The following ESR1 variants were observed in gnomAD, a reference collection of about 807,000 sequenced individuals.
The protein encoded by ESR1 is estrogen receptor 1.
In ESR1, 12 loss-of-function variants were observed where a neutral mutation model predicts 52.7. That is an observed-to-expected ratio of 0.23 (90% CI 0.15 to 0.37). The LOEUF (loss-of-function observed/expected upper bound fraction) is 0.37. Among genes scored for constraint, ESR1 ranks in the 10% least tolerant of loss-of-function variants. The pLI, the probability that ESR1 is intolerant of heterozygous loss-of-function variation, is 1.00. For synonymous variants in ESR1, 305 were observed against 316.8 expected (o/e 0.96, Z 0.39); for missense variants, 584 against 779.7 (o/e 0.75, Z 2.99).
At chr6:151,786,178 G>T (rs1227165106) in intron 2 of ESR1, among the ~76,000 whole-genome samples, 1 of 152,182 alleles carries the variant, frequency 6.6e-6, no homozygotes, top group Non-Finnish European at 1.5e-5. Context: ...AAGTCACAAG[G>T]ATGCCCTGGA....
At chr6:151,894,241 ATTGT>A (rs1019950617) in intron 3 of ESR1, among the ~76,000 whole-genome samples, 2 of 149,844 alleles carry the variant, frequency 1.3e-5, no homozygotes, top group South Asian at 2.1e-4. Context: ...TTTTGATGGG[ATTGT>A]TTGTTTTTTT....
chr6:152,017,011 C>T (rs927507865), intron 5 of ESR1, among the ~76,000 whole-genome samples: 3 of 152,112 alleles, frequency 2.0e-5, no homozygotes, highest in African/African-American at 7.2e-5. Context: ...CAAATCTTTG[C>T]AAATCTAGGC....
intron 1 of ESR1, among the ~76,000 whole-genome samples, chr6:151,819,590 C>T (rs1780228199): frequency 6.6e-6 from 1 of 152,202 alleles, no homozygotes; most frequent in Non-Finnish European, 1.5e-5. Context: ...TCCTGATGAT[C>T]TGTCATTGTG....
rs1050992325 is a variant in ESR1, at chr6:152,094,032, G to A, written c.1370-353G>A. Reference sequence around the variant, plus strand: ...AAAGGAACAACAGTGGCTGCTCACAGGGTTGTCAGTTACATGGTCAATTAC... The same window carrying A: ...AAAGGAACAACAGTGGCTGCTCACAAGGTTGTCAGTTACATGGTCAATTAC... On this transcript the variant is annotated intron_variant, in intron 6 of 7. Coordinates refer to ENST00000206249, the MANE Select transcript of ESR1 (RefSeq NM_000125.4). The surrounding 1 kb of genome is among the most constrained non-coding windows in gnomAD (Gnocchi z 4.6). Among the ~76,000 whole-genome samples, 8 of 152,162 alleles carry A rather than the reference G, an allele frequency of 5.3e-5. No individual in the cohort carries two copies. Among genetic ancestry groups the A allele is most frequent in the African/African-American group, 1.7e-4 (7 of 41,434 alleles).
intron 5 of ESR1, among the ~76,000 whole-genome samples, chr6:152,052,361 C>T (rs2046755778): frequency 6.6e-6 from 1 of 152,064 alleles, no homozygotes; most frequent in Non-Finnish European, 1.5e-5. Flanking sequence ...TCAATAAGCT[C>T]GCTGAATGTA....
intron 4 of ESR1, among the ~76,000 whole-genome samples, chr6:151,985,339 C>T (rs917434446): frequency 6.6e-6 from 1 of 151,394 alleles, no homozygotes; most frequent in African/African-American, 2.4e-5. Context: ...AATCCTATCT[C>T]TACTAAAAAT....
At chr6:151,874,459 G>A (rs960612743) in intron 2 of ESR1, among the ~76,000 whole-genome samples, 11 of 152,104 alleles carry the variant, frequency 7.2e-5, no homozygotes, top group Admixed American at 5.2e-4. Flanking sequence ...ATTCAAGTAC[G>A]ATTTCTGACT....
At chr6:151,819,328 C>T (rs1019102783) in intron 1 of ESR1, among the ~76,000 whole-genome samples, 1 of 152,174 alleles carries the variant, frequency 6.6e-6, no homozygotes, top group African/African-American at 2.4e-5. Flanking sequence ...TATAGAGCAG[C>T]AGTCCCCAGC....
At chr6:151,710,046 G>A (rs376406486) in intron 2 of ESR1, among the ~76,000 whole-genome samples, 5 of 151,720 alleles carry the variant, frequency 3.3e-5, no homozygotes, top group South Asian at 2.1e-4. Context: ...TATAAAGAAC[G>A]AATTGTTTAA....
intron 1 of ESR1, among the ~76,000 whole-genome samples, chr6:151,697,406 A>C (rs1779432265): frequency 6.6e-6 from 1 of 152,216 alleles, no homozygotes; most frequent in Non-Finnish European, 1.5e-5. Context: ...CATCTTCCTA[A>C]CTGTAAAATG....
At chr6:152,034,870 A>C (rs1286467878) in intron 5 of ESR1, among the ~76,000 whole-genome samples, 1 of 152,242 alleles carries the variant, frequency 6.6e-6, no homozygotes, top group African/African-American at 2.4e-5. Flanking sequence ...AAGACTCTGA[A>C]CTATCACATG....
intron 1 of ESR1, among the ~76,000 whole-genome samples, chr6:151,671,228 C>A (rs973131637): frequency 3.3e-5 from 5 of 152,142 alleles, no homozygotes; most frequent in African/African-American, 4.8e-5. Context: ...TTTCTCTGCA[C>A]CCCCATGTTC....
chr6:151,669,555 G>A (rs1344276541), intron 1 of ESR1, among the ~76,000 whole-genome samples: 1 of 152,182 alleles, frequency 6.6e-6, no homozygotes, highest in African/African-American at 2.4e-5. Flanking sequence ...GGACTCAGGT[G>A]CTGGAGTGTT....
intron 1 of ESR1, among the ~76,000 whole-genome samples, chr6:151,818,824 C>T (rs767003921): frequency 6.6e-6 from 1 of 151,372 alleles, no homozygotes. Context: ...CACACACACA[C>T]ATATATATAC....
chr6:152,067,712 A>G (rs1325043934), intron 6 of ESR1, among the ~76,000 whole-genome samples: 2 of 152,176 alleles, frequency 1.3e-5, no homozygotes, highest in South Asian at 2.1e-4. Context: ...CTGTAATCCC[A>G]GCTACTCAGG....
intron 3 of ESR1, among the ~76,000 whole-genome samples, chr6:151,920,125 T>C (rs543580252): frequency 6.6e-6 from 1 of 152,260 alleles, no homozygotes; most frequent in South Asian, 2.1e-4. Context: ...CTTCAGTACA[T>C]ACAATGCAAT....
intron 5 of ESR1, among the ~76,000 whole-genome samples, chr6:152,042,757 T>C (rs2045912855): frequency 6.6e-6 from 1 of 152,192 alleles, no homozygotes; most frequent in Non-Finnish European, 1.5e-5. Context: ...AGGCCTCTTG[T>C]CAATTTCACT....
chr6:152,065,766 T>C (rs1028412222), intron 6 of ESR1, among the ~76,000 whole-genome samples: 1 of 152,198 alleles, frequency 6.6e-6, no homozygotes, highest in African/African-American at 2.4e-5. Context: ...TCTGCATCAC[T>C]GTTCACAGGG....
chr6:151,899,835 G>T (rs1796386912), intron 3 of ESR1, among the ~76,000 whole-genome samples: 1 of 151,832 alleles, frequency 6.6e-6, no homozygotes, highest in Admixed American at 6.6e-5. Flanking sequence ...TTCCTAGATG[G>T]GATGGCGGCC....
Sources: gnomAD v4.1 joint callset for allele counts (sites outside exome capture counted in the v4.1 genomes callset) on GRCh38, gnomAD v4.1.1 for gene constraint, Gnocchi (gnomAD v3.1) non-coding constraint, MANE v1.5 for transcripts, NCBI Gene and HGNC (gene_info 2026-07-23, HGNC 2026-07-21) for gene names.